BRD4: variants seen among roughly 807,000 people sequenced by gnomAD.
BRD4 encodes the protein bromodomain containing 4.
A neutral mutation model predicts 142.1 loss-of-function variants in BRD4; 16 were observed. The observed-to-expected ratio is 0.11, with a 90% CI of 0.08 to 0.17. BRD4 has a LOEUF of 0.17. Ranked by LOEUF, BRD4 falls within the 10% of genes least tolerant of loss-of-function variation. The probability of loss-of-function intolerance (pLI) is 1.00; values close to 1 mark genes in which losing one functional copy is unlikely to be tolerated. For synonymous variants in BRD4, 833 were observed against 707.5 expected, an observed-to-expected ratio of 1.18 and a Z score of -2.82; for missense variants, 1,424 against 1,810.9, an observed-to-expected ratio of 0.79 and a Z score of 3.88.
intron 1 of BRD4, among the ~76,000 whole-genome samples, chr19:15,297,811 T>C (rs559427326): frequency 1.3e-4 from 20 of 152,128 alleles, no homozygotes; most frequent in South Asian, 6.2e-4. Context: ...AGCTGGAAAA[T>C]TGCAGGTGAA....
chr19:15,312,505 G>A (rs747454544), intron 1 of BRD4, among the ~76,000 whole-genome samples: 7 of 152,062 alleles, frequency 4.6e-5, no homozygotes, highest in African/African-American at 7.2e-5. Context: ...GGTGGTGTGC[G>A]CCTGTAATCC....
intron 11 of BRD4, chr19:15,253,053 G>C: frequency 4.1e-6 from 1 of 241,126 alleles, no homozygotes; most frequent in Non-Finnish European, 8.1e-6. Context: ...ACAGGCCCGT[G>C]GGAGAACATG....
intron 1 of BRD4, among the ~76,000 whole-genome samples, chr19:15,289,237 G>C (rs760888680): frequency 2.0e-5 from 3 of 152,144 alleles, no homozygotes; most frequent in Non-Finnish European, 4.4e-5. Flanking sequence ...CCAGCAGAAA[G>C]CCAGACTCCT....
At chr19:15,303,643 T>C (rs1444453360) in intron 1 of BRD4, among the ~76,000 whole-genome samples, 1 of 152,238 alleles carries the variant, frequency 6.6e-6, no homozygotes, top group Non-Finnish European at 1.5e-5. Flanking sequence ...CCCAGCATTC[T>C]AGCACCTATT....
intron 11 of BRD4, chr19:15,253,477 G>C (rs202242758): frequency 1.4e-6 from 2 of 1,396,406 alleles, no homozygotes; most frequent in African/African-American, 1.4e-5. Context: ...GCAGACCCAC[G>C]GGGCTTGAAA....
chr19:15,244,695 C>T lies in BRD4; in HGVS notation c.2211+15G>A. ...AACGTCCCACCTAATGAAGGATGCC[C>T]CTGAGCCCATGTACCTTCTTCTGCT... On this transcript the variant is annotated intron_variant, in intron 12 of 19. Coordinates refer to ENST00000679869, the MANE Select transcript of BRD4 (RefSeq NM_001379291.1). 7 of 1,614,110 alleles carry T rather than the reference C, an allele frequency of 4.3e-6. No individual in the cohort carries two copies. Among genetic ancestry groups the T allele is most frequent in the Non-Finnish European group, 5.9e-6 (7 of 1,180,022 alleles).
At chr19:15,265,264 G>T (rs2047519481) in intron 5 of BRD4, 90 bp downstream of exon 5, 2 of 1,261,536 alleles carry the variant, frequency 1.6e-6, no homozygotes, top group Non-Finnish European at 2.1e-6. Flanking sequence ...CAGTGCCCGG[G>T]ACCCAGGACA....
At chr19:15,329,006 C>T (rs556108531) in intron 1 of BRD4, among the ~76,000 whole-genome samples, 1 of 152,136 alleles carries the variant, frequency 6.6e-6, no homozygotes, top group East Asian at 1.9e-4. Flanking sequence ...CTTTTGACCC[C>T]AGGTGATCTG....
chr19:15,260,785 A>C (rs1468547100), intron 7 of BRD4, among the ~76,000 whole-genome samples: 1 of 149,024 alleles, frequency 6.7e-6, no homozygotes, highest in Non-Finnish European at 1.5e-5. Context: ...CCCCTCTCAG[A>C]AGGAGAAAAA....
intron 2 of BRD4, among the ~76,000 whole-genome samples, chr19:15,269,729 T>C (rs939713245): frequency 1.3e-5 from 2 of 152,014 alleles, no homozygotes; most frequent in African/African-American, 2.4e-5. Flanking sequence ...AAAATAAAAA[T>C]AAAAAATCCA....
At chr19:15,310,531 CTTCTATTTTGAGTCGAGACAGG>C (rs1259071064) in intron 1 of BRD4, among the ~76,000 whole-genome samples, 1 of 151,764 alleles carries the variant, frequency 6.6e-6, no homozygotes, top group African/African-American at 2.4e-5. Flanking sequence ...TGGCTAATTT[CTTCTATTTTGAGTCGAGACAGG>C]ACTTCACCGT....
intron 1 of BRD4, among the ~76,000 whole-genome samples, chr19:15,288,863 G>C (rs1286942801): frequency 6.6e-6 from 1 of 152,204 alleles, no homozygotes; most frequent in Non-Finnish European, 1.5e-5. Flanking sequence ...GCTGAGGGGA[G>C]GGAAAGTTCA....
In BRD4 at chr19:15,237,389, G is replaced by C. The variant is rs1568374956; in HGVS notation, c.*988C>G. 4.5e-6 allele frequency: 1 copy of C among 222,128 alleles called. No individual in the cohort carries two copies. The highest frequency in any genetic ancestry group is 2.2e-5 in the African/African-American group (1 of 44,470). 13.8% of individuals were successfully genotyped at this position (222,128 alleles called of 1,614,324 possible). A position where few individuals can be genotyped will look rare whatever the true frequency, so the allele number is the denominator to read the frequency against. ...TTTGTCTTTTTGTGGATTTTTTTGA[G>C]CTTTTTTCTTTTTTCACACCAGTTT... On this transcript the variant is annotated 3_prime_UTR_variant, in exon 20 of 20. Transcript: ENST00000679869.
Position 15,243,055 on chromosome 19 carries a change from G to A in BRD4, c.3014C>T (p.Ser1005Phe). ...TGGCGGGGGCTGTTGGATGTGGGTG[G>A]AAAACTGCATGGGCTGCAAGTGCAC... ...RPVHLQPMQFSTHIQQPPPPQ... is the reference protein window; with the variant it reads ...RPVHLQPMQFFTHIQQPPPPQ... The change falls in exon 14 of 20, where the codon TCC becomes TTC. Residue 1005 changes from serine (S) to phenylalanine (F), a missense_variant. Ser to Phe is a radical substitution (Grantham distance 155). This residue lies in a region of BRD4 where 598 missense variants were observed against 647.8 expected (regional missense o/e 0.92). Coordinates refer to ENST00000679869, the MANE Select transcript of BRD4 (RefSeq NM_001379291.1). 1 of 1,531,918 alleles carries A rather than the reference G, an allele frequency of 6.5e-7. No individual in the cohort carries two copies. The highest frequency in any genetic ancestry group is 8.8e-7 in the Non-Finnish European group (1 of 1,140,248). 94.9% of individuals were successfully genotyped at this position (1,531,918 alleles called of 1,614,324 possible). A position where few individuals can be genotyped will look rare whatever the true frequency, so the allele number is the denominator to read the frequency against.
chr19:15,258,684 A>C (rs904148233), intron 7 of BRD4, among the ~76,000 whole-genome samples: 1 of 152,038 alleles, frequency 6.6e-6, no homozygotes, highest in Non-Finnish European at 1.5e-5. Flanking sequence ...ATCATGGCTC[A>C]CTACAGCCTC....
intron 1 of BRD4, among the ~76,000 whole-genome samples, chr19:15,304,105 G>C (rs2047893748): frequency 1.3e-5 from 2 of 152,200 alleles, no homozygotes; most frequent in Non-Finnish European, 2.9e-5. Context: ...AAGTCCCTCT[G>C]ATCGCTAACT....
intron 1 of BRD4, among the ~76,000 whole-genome samples, chr19:15,330,643 T>TGTA (rs2145026498): frequency 6.6e-6 from 1 of 152,142 alleles, no homozygotes; most frequent in South Asian, 2.1e-4. Flanking sequence ...GGCGGGCGCC[T>TGTA]GTAGTCCCAG....
intron 1 of BRD4, among the ~76,000 whole-genome samples, chr19:15,316,913 C>CTAG (rs2048022585): frequency 6.6e-6 from 1 of 152,336 alleles, no homozygotes; most frequent in African/African-American, 2.4e-5. Flanking sequence ...AGACTCAATG[C>CTAG]TAGCCCCCTT....
intron 1 of BRD4, among the ~76,000 whole-genome samples, chr19:15,327,087 AAC>A (rs1442405756): frequency 4.6e-5 from 7 of 152,174 alleles, no homozygotes; most frequent in Non-Finnish European, 7.3e-5. Context: ...CATTCATTTA[AAC>A]AGTTACTCAG....
Sources: allele counts gnomAD v4.1 joint callset (sites outside exome capture counted in the v4.1 genomes callset), GRCh38; gene constraint gnomAD v4.1.1; regional missense constraint gnomAD v4.1.1; transcripts MANE v1.5; gene names NCBI Gene and HGNC (gene_info 2026-07-23, HGNC 2026-07-21).